ABCC4: variants seen among roughly 807,000 people sequenced by gnomAD.
ABCC4 encodes the protein ATP binding cassette subfamily C member 4 (PEL blood group), also known as ATP-binding cassette sub-family C member 4.
Under a neutral mutation model 168.5 loss-of-function variants are expected in ABCC4, and 102 were observed. The ratio of observed to expected loss-of-function variants is 0.61; its 90% CI spans 0.52 to 0.71. The LOEUF (loss-of-function observed/expected upper bound fraction) is 0.71. ABCC4 is among the 30% of genes least tolerant of loss of function. ABCC4 has a pLI of 0.00. For missense variants in ABCC4, 1,402 were observed against 1,605.8 expected (o/e 0.87, Z 2.17); for synonymous variants, 617 against 590.7 (o/e 1.04, Z -0.65).
At chr13:95,124,017 T>C (rs1170928325) in intron 19 of ABCC4, among the ~76,000 whole-genome samples, 2 of 152,106 alleles carry the variant, frequency 1.3e-5, no homozygotes, top group African/African-American at 2.4e-5. Context: ...AATATTTGCC[T>C]AGTTGATGGG....
intron 3 of ABCC4, among the ~76,000 whole-genome samples, chr13:95,235,187 A>G (rs116465179): frequency 0.07 from 10,616 of 152,158 alleles, 960 homozygotes; most frequent in African/African-American, 0.21. Context: ...CACGGCACCT[A>G]GGCTCGTTTT....
rs541559682 is a variant in ABCC4 at position 95,106,330 on chromosome 13, CGT to C, written c.2535+9590_2535+9591del. On this transcript the variant is annotated intron_variant, in intron 20 of 30. Coordinates refer to ENST00000645237, the MANE Select transcript of ABCC4 (RefSeq NM_005845.5). The stretch of plus-strand genomic sequence containing the variant: ...TTAATTGCTTCTTGAGGGGTATGTG[CGT>C]GTGTGTGCGTATATATGTGCGCGTA... 1.6e-3 allele frequency among the ~76,000 whole-genome samples: 244 copies of C among 150,826 alleles called. 1 individual carries two copies. Among genetic ancestry groups the C allele is most frequent in the African/African-American group, 5.2e-3 (211 of 40,738 alleles).
Position 95,205,597 on chromosome 13 carries a change from C to T in ABCC4, c.1161+935G>A, listed in dbSNP as rs974091989. On this transcript the variant is annotated intron_variant, in intron 8 of 30. Transcript: ENST00000645237. ...TTACCTTGGTGATATAAATTATTTG[C>T]CCCTGGCAATTGAGTGACAGCGACT... 3.2e-4 allele frequency among the ~76,000 whole-genome samples: 48 copies of T among 152,216 alleles called. 1 individual carries two copies. Among genetic ancestry groups the T allele is most frequent in the African/African-American group, 1.2e-3 (48 of 41,450 alleles).
At chr13:95,159,096 T>C (rs2036985713) in intron 19 of ABCC4, among the ~76,000 whole-genome samples, 1 of 52,052 alleles carries the variant, frequency 1.9e-5, no homozygotes, top group African/African-American at 2.0e-4. Context: ...ATAAATTTTA[T>C]ATATATATAT....
chr13:95,149,179 A>C (rs2036595425), intron 19 of ABCC4, among the ~76,000 whole-genome samples: 1 of 152,166 alleles, frequency 6.6e-6, no homozygotes, highest in South Asian at 2.1e-4. Flanking sequence ...TATTTATTTA[A>C]TCTTAAAGTG....
intron 11 of ABCC4, among the ~76,000 whole-genome samples, chr13:95,179,733 T>C (rs893046644): frequency 1.2e-4 from 19 of 152,146 alleles, no homozygotes; most frequent in African/African-American, 4.6e-4. Flanking sequence ...GATAGCCCTC[T>C]TACAGATCAA....
intron 4 of ABCC4, among the ~76,000 whole-genome samples, chr13:95,214,803 T>C (rs1251105626): frequency 6.6e-6 from 1 of 150,854 alleles, no homozygotes; most frequent in African/African-American, 2.4e-5. Context: ...GGAAAATCAC[T>C]TGAACCTGGG....
At chr13:95,254,536 C>T (rs1188499546) in intron 1 of ABCC4, among the ~76,000 whole-genome samples, 2 of 152,174 alleles carry the variant, frequency 1.3e-5, no homozygotes, top group Admixed American at 6.5e-5. Flanking sequence ...CTGCTCCTCC[C>T]AGGCTTCTCC....
chr13:95,116,101 T>C, intron 19 of ABCC4, 100 bp from the exon 20 acceptor site: 7 of 748,650 alleles, frequency 9.4e-6, no homozygotes, highest in Non-Finnish European at 1.5e-5. Flanking sequence ...AATGCATATG[T>C]ATTTAATATA....
At chr13:95,280,416 C>CAAA (rs10708482) in intron 1 of ABCC4, among the ~76,000 whole-genome samples, 1 of 90,482 alleles carries the variant, frequency 1.1e-5, no homozygotes, top group African/African-American at 4.6e-5. Context: ...GACTCCATCT[C>CAAA]AAAAAAAAAA....
intron 29 of ABCC4, among the ~76,000 whole-genome samples, chr13:95,040,386 C>T (rs1424456430): frequency 6.6e-6 from 1 of 152,150 alleles, no homozygotes; most frequent in Non-Finnish European, 1.5e-5. Flanking sequence ...CACACGGCAC[C>T]ACGCCCAGCT....
intron 13 of ABCC4, among the ~76,000 whole-genome samples, chr13:95,171,460 G>C (rs1349691611): frequency 5.9e-5 from 9 of 151,964 alleles, no homozygotes. Flanking sequence ...GGGAGGCTAA[G>C]GTGGGAGAAT....
intron 30 of ABCC4, among the ~76,000 whole-genome samples, chr13:95,025,431 CATCCCCTG>C (rs2031472753): frequency 3.2e-4 from 1 of 3,154 alleles, no homozygotes; most frequent in African/African-American, 1.4e-3. Flanking sequence ...TACACACCCA[CATCCCCTG>C]ACACCCACAC....
At chr13:95,262,256 G>T (rs536875047) in intron 1 of ABCC4, among the ~76,000 whole-genome samples, 27 of 152,322 alleles carry the variant, frequency 1.8e-4, no homozygotes, top group Middle Eastern at 6.8e-3. Flanking sequence ...AGAAGTCAAC[G>T]TGTTGAGGAC....
At chr13:95,214,839 T>TCG (rs1003002468) in intron 4 of ABCC4, among the ~76,000 whole-genome samples, 2 of 137,498 alleles carry the variant, frequency 1.5e-5, no homozygotes, top group Non-Finnish European at 3.0e-5. Flanking sequence ...TGAGCCGAGA[T>TCG]CGCGCCACTC....
chr13:95,121,554 G>A (rs1371754632), intron 19 of ABCC4, among the ~76,000 whole-genome samples: 2 of 151,434 alleles, frequency 1.3e-5, no homozygotes, highest in East Asian at 3.9e-4. Flanking sequence ...GACCTCTGGT[G>A]CACCACCATG....
intron 1 of ABCC4, among the ~76,000 whole-genome samples, chr13:95,258,305 C>T (rs1273065956): frequency 1.3e-5 from 2 of 152,150 alleles, no homozygotes; most frequent in African/African-American, 4.8e-5. Flanking sequence ...GGGTCCCCTT[C>T]GTTCAGTGTT....
At chr13:95,031,397 T>C (rs1212443632) in intron 30 of ABCC4, among the ~76,000 whole-genome samples, 1 of 152,180 alleles carries the variant, frequency 6.6e-6, no homozygotes, top group Non-Finnish European at 1.5e-5. Context: ...CACAGAACGC[T>C]ACTTAGGGGA....
intron 4 of ABCC4, among the ~76,000 whole-genome samples, chr13:95,228,235 C>G (rs1285095867): frequency 6.6e-6 from 1 of 152,120 alleles, no homozygotes; most frequent in African/African-American, 2.4e-5. Flanking sequence ...AGCCAGAGAG[C>G]TACAGGTGGC....
Sources: gnomAD v4.1 joint callset for allele counts (sites outside exome capture counted in the v4.1 genomes callset) on GRCh38, gnomAD v4.1.1 for gene constraint, MANE v1.5 for transcripts, NCBI Gene and HGNC (gene_info 2026-07-23, HGNC 2026-07-21) for gene names.